MBD3L2B: variants seen among roughly 807,000 people sequenced by gnomAD.
MBD3L2B encodes methyl-CpG binding domain protein 3 like 2B, also known as methyl-CpG-binding domain protein 3-like 2B.
For synonymous variants in MBD3L2B, 50 were observed against 31.6 expected (o/e 1.58, Z -1.95); for missense variants, 127 against 78.7 (o/e 1.61, Z -2.32).
chr19:7,019,329 C>T lies in MBD3L2B; in HGVS notation c.447G>A (p.Val149=), dbSNP rs12976632. 0.054 allele frequency: 36,893 copies of T among 686,560 alleles called. 1,230 individuals carry two copies. Among genetic ancestry groups the T allele is most frequent in the Middle Eastern group, 0.072 (197 of 2,722 alleles). 42.5% of individuals were successfully genotyped at this position (686,560 alleles called of 1,614,324 possible). Residue 149 remains valine (V), a synonymous_variant, in exon 2 of 2, where the codon GTG becomes GTA. Transcript: ENST00000636986. ...LEPTPGRFPA[V]AGGPTPGMGC... ...CCATTCCTGGGGTTGGCCCCCCTGCCACAGCTGGAAACCGCCCAGGGGTGG... is the reference window on the plus strand; with the variant it reads ...CCATTCCTGGGGTTGGCCCCCCTGCTACAGCTGGAAACCGCCCAGGGGTGG...
chr19:7,019,073 A>G lies in MBD3L2B; in HGVS notation c.*88T>C. Reference sequence around the variant, plus strand: ...ATTAAAAGATAGGGATTCAAAACCCAGGACTGTCCCCACTGACTCACCCCC... The same window carrying G: ...ATTAAAAGATAGGGATTCAAAACCCGGGACTGTCCCCACTGACTCACCCCC... On this transcript the variant is annotated 3_prime_UTR_variant, in exon 2 of 2. Coordinates refer to ENST00000636986, the MANE Select transcript of MBD3L2B (RefSeq NM_001364674.2). 1.4e-6 allele frequency: 1 copy of G among 714,948 alleles called. No homozygotes were observed. The highest frequency in any genetic ancestry group is 2.6e-6 in the Non-Finnish European group (1 of 384,078). 44.3% of individuals were successfully genotyped at this position (714,948 alleles called of 1,614,324 possible). A position where few individuals can be genotyped will look rare whatever the true frequency, so the allele number is the denominator to read the frequency against.
chr19:7,019,334 C>T lies in MBD3L2B; in HGVS notation c.442G>A (p.Ala148Thr), dbSNP rs1976765616. 1 of 685,020 alleles carries T rather than the reference C, an allele frequency of 1.5e-6. No homozygotes were observed. Among genetic ancestry groups the T allele is most frequent in the Non-Finnish European group, 2.7e-6 (1 of 375,792 alleles). The allele number at this position is 685,020 out of a possible 1,614,324, so 42.4% of individuals were successfully genotyped here. A position where few individuals can be genotyped will look rare whatever the true frequency, so the allele number is the denominator to read the frequency against. ...CCTGGGGTTGGCCCCCCTGCCACAG[C>T]TGGAAACCGCCCAGGGGTGGGCTCA... The part of the protein sequence containing the change: ...PLEPTPGRFP[A>T]VAGGPTPGMG... The change falls in exon 2 of 2, where the codon GCT becomes ACT. Residue 148 changes from alanine (A) to threonine (T), a missense_variant. Coordinates refer to ENST00000636986, the MANE Select transcript of MBD3L2B (RefSeq NM_001364674.2).
chr19:7,019,092 C>A lies in MBD3L2B; in HGVS notation c.*69G>T, dbSNP rs1976760095. 7.0e-6 allele frequency: 5 copies of A among 716,604 alleles called. No individual in the cohort carries two copies. The highest frequency in any genetic ancestry group is 1.3e-5 in the Non-Finnish European group (5 of 384,408). 44.4% of individuals were successfully genotyped at this position (716,604 alleles called of 1,614,324 possible). On this transcript the variant is annotated 3_prime_UTR_variant, in exon 2 of 2. Coordinates refer to ENST00000636986, the MANE Select transcript of MBD3L2B (RefSeq NM_001364674.2). The stretch of plus-strand genomic sequence containing the variant: ...AAACCCAGGACTGTCCCCACTGACT[C>A]ACCCCCCAACTGCGGGGCCACACCC...
chr19:7,019,089 A>T lies in MBD3L2B; in HGVS notation c.*72T>A, dbSNP rs1976760013. The T allele has an allele frequency of 1.4e-6, 1 of 716,148 alleles. No homozygotes were observed. The highest frequency in any genetic ancestry group is 2.6e-6 in the Non-Finnish European group (1 of 384,360). The allele number at this position is 716,148 out of a possible 1,614,324, so 44.4% of individuals were successfully genotyped here. A position where few individuals can be genotyped will look rare whatever the true frequency, so the allele number is the denominator to read the frequency against. The stretch of plus-strand genomic sequence containing the variant: ...TCAAAACCCAGGACTGTCCCCACTG[A>T]CTCACCCCCCAACTGCGGGGCCACA... On this transcript the variant is annotated 3_prime_UTR_variant, in exon 2 of 2. Transcript: ENST00000636986.
Position 7,019,056 on chromosome 19 carries a change from A to C in MBD3L2B, c.*105T>G. On this transcript the variant is annotated 3_prime_UTR_variant, in exon 2 of 2. Coordinates refer to ENST00000636986, the MANE Select transcript of MBD3L2B (RefSeq NM_001364674.2). Reference sequence around the variant, plus strand: ...CAGGAAAGAGGACGGGCATTAAAAGATAGGGATTCAAAACCCAGGACTGTC... The same window carrying C: ...CAGGAAAGAGGACGGGCATTAAAAGCTAGGGATTCAAAACCCAGGACTGTC... 1 of 707,242 alleles carries C rather than the reference A, an allele frequency of 1.4e-6. No individual in the cohort carries two copies. The highest frequency in any genetic ancestry group is 2.6e-6 in the Non-Finnish European group (1 of 380,902). 43.8% of individuals were successfully genotyped at this position (707,242 alleles called of 1,614,324 possible). A position where few individuals can be genotyped will look rare whatever the true frequency, so the allele number is the denominator to read the frequency against.
Position 7,019,131 on chromosome 19 carries a change from C to A in MBD3L2B, c.*30G>T, listed in dbSNP as rs1469422566. 1 of 718,514 alleles carries A rather than the reference C, an allele frequency of 1.4e-6. No homozygotes were observed. Among genetic ancestry groups the A allele is most frequent in the Non-Finnish European group, 2.6e-6 (1 of 385,142 alleles). The allele number at this position is 718,514 out of a possible 1,614,324, so 44.5% of individuals were successfully genotyped here. Reference sequence around the variant, plus strand: ...GGGGCCACACCCCACAGCTTCTCAGCACCCCCTCCTCCTGCACTTCATCCA... The same window carrying A: ...GGGGCCACACCCCACAGCTTCTCAGAACCCCCTCCTCCTGCACTTCATCCA... On this transcript the variant is annotated 3_prime_UTR_variant, in exon 2 of 2. Transcript: ENST00000636986.
At chr19:7,020,323 T>C (rs1976774376) in intron 1 of MBD3L2B, among the ~76,000 whole-genome samples, 1 of 75,556 alleles carries the variant, frequency 1.3e-5, no homozygotes, top group African/African-American at 3.4e-5. Context: ...CCACCTTAAA[T>C]ACTCACTGCC....
chr19:7,019,829 GC>G, intron 1 of MBD3L2B, 99 bp from the exon 2 acceptor site: 2 of 83,174 alleles, frequency 2.4e-5, no homozygotes, highest in Non-Finnish European at 3.9e-5. Context: ...CTTCCCACCA[GC>G]CTCTCTTTCT....
Position 7,019,389 on chromosome 19 carries a change from T to C in MBD3L2B, c.387A>G (p.Arg129=), listed in dbSNP as rs1651756. 513 of 645,654 alleles carry C rather than the reference T, an allele frequency of 7.9e-4. 2 individuals carry two copies. The highest frequency in any genetic ancestry group is 2.3e-3 in the African/African-American group (110 of 48,344). 40.0% of individuals were successfully genotyped at this position (645,654 alleles called of 1,614,324 possible). A position where few individuals can be genotyped will look rare whatever the true frequency, so the allele number is the denominator to read the frequency against. Residue 129 remains arginine, a synonymous_variant, in exon 2 of 2, where the codon AGA becomes AGG. Transcript: ENST00000636986. Reference sequence around the variant, plus strand: ...GGCTGCGCACACGCTCAGCACCAGCTCTGTCCAGAGATTCACCGGCCGTCC... The same window carrying C: ...GGCTGCGCACACGCTCAGCACCAGCCCTGTCCAGAGATTCACCGGCCGTCC... ...APGTAGESLD[R]AGAERVRSPL...
rs994359352 is a variant in MBD3L2B, at chr19:7,019,072, C to A, written c.*89G>T. ...CATTAAAAGATAGGGATTCAAAACC[C>A]AGGACTGTCCCCACTGACTCACCCC... On this transcript the variant is annotated 3_prime_UTR_variant, in exon 2 of 2. Transcript: ENST00000636986. 2.8e-6 allele frequency: 2 copies of A among 714,414 alleles called. No homozygotes were observed. Among genetic ancestry groups the A allele is most frequent in the Non-Finnish European group, 5.2e-6 (2 of 384,044 alleles). 44.3% of individuals were successfully genotyped at this position (714,414 alleles called of 1,614,324 possible).
Position 7,019,351 on chromosome 19 carries a change from G to T in MBD3L2B, c.425C>A (p.Thr142Asn), listed in dbSNP as rs1380491820. 8.9e-6 allele frequency: 6 copies of T among 677,756 alleles called. No homozygotes were observed. Among genetic ancestry groups the T allele is most frequent in the African/African-American group, 1.9e-5 (1 of 52,172 alleles). The allele number at this position is 677,756 out of a possible 1,614,324, so 42.0% of individuals were successfully genotyped here. A position where few individuals can be genotyped will look rare whatever the true frequency, so the allele number is the denominator to read the frequency against. ...TGCCACAGCTGGAAACCGCCCAGGG[G>T]TGGGCTCAAGCGGGCTGCGCACACG... ...AERVRSPLEP[T>N]PGRFPAVAGG... The change falls in exon 2 of 2, where the codon ACC becomes AAC. Residue 142 changes from threonine to asparagine, a missense_variant. Coordinates refer to ENST00000636986, the MANE Select transcript of MBD3L2B (RefSeq NM_001364674.2).
At position 7,019,034 on chromosome 19, in the gene MBD3L2B, G is replaced by T. The variant is rs150853664; in HGVS notation, c.*127C>A. The stretch of plus-strand genomic sequence containing the variant: ...TACAAAGTGTGACAATTCATAGCAG[G>T]AAAGAGGACGGGCATTAAAAGATAG... On this transcript the variant is annotated 3_prime_UTR_variant, in exon 2 of 2. Coordinates refer to ENST00000636986, the MANE Select transcript of MBD3L2B (RefSeq NM_001364674.2). 2 of 691,960 alleles carry T rather than the reference G, an allele frequency of 2.9e-6. No homozygotes were observed. The highest frequency in any genetic ancestry group is 2.7e-6 in the Non-Finnish European group (1 of 376,016). 42.9% of individuals were successfully genotyped at this position (691,960 alleles called of 1,614,324 possible).
At position 7,019,101 on chromosome 19, in the gene MBD3L2B, A is replaced by C; in HGVS notation, c.*60T>G. 3 of 717,750 alleles carry C rather than the reference A, an allele frequency of 4.2e-6. No individual in the cohort carries two copies. 44.5% of individuals were successfully genotyped at this position (717,750 alleles called of 1,614,324 possible). On this transcript the variant is annotated 3_prime_UTR_variant, in exon 2 of 2. Coordinates refer to ENST00000636986, the MANE Select transcript of MBD3L2B (RefSeq NM_001364674.2). ...ACTGTCCCCACTGACTCACCCCCCA[A>C]CTGCGGGGCCACACCCCACAGCTTC...
chr19:7,019,429 C>G lies in MBD3L2B; in HGVS notation c.347G>C (p.Ser116Thr), dbSNP rs566735497. The G allele has an allele frequency of 3.4e-5, 20 of 581,858 alleles. No individual in the cohort carries two copies. The highest frequency in any genetic ancestry group is 3.1e-4 in the South Asian group (17 of 54,436). 36.0% of individuals were successfully genotyped at this position (581,858 alleles called of 1,614,324 possible). A position where few individuals can be genotyped will look rare whatever the true frequency, so the allele number is the denominator to read the frequency against. The change falls in exon 2 of 2, where the codon AGT becomes ACT. Residue 116 changes from serine to threonine, a missense_variant. Transcript: ENST00000636986. ...ACCGGCCGTCCCCGGTGCAAGGATA[C>G]TTAAGACGCTCTCCAAATGCAGTGG... ...SSPLHLESVLSILAPGTAGES... is the reference protein window; with the variant it reads ...SSPLHLESVLTILAPGTAGES...
In MBD3L2B at chr19:7,019,140, C is replaced by T. The variant is rs1311928480; in HGVS notation, c.*21G>A. Reference sequence around the variant, plus strand: ...CCCCACAGCTTCTCAGCACCCCCTCCTCCTGCACTTCATCCACCTGTCACA... The same window carrying T: ...CCCCACAGCTTCTCAGCACCCCCTCTTCCTGCACTTCATCCACCTGTCACA... On this transcript the variant is annotated 3_prime_UTR_variant, in exon 2 of 2. Coordinates refer to ENST00000636986, the MANE Select transcript of MBD3L2B (RefSeq NM_001364674.2). 2 of 718,676 alleles carry T rather than the reference C, an allele frequency of 2.8e-6. No homozygotes were observed. Among genetic ancestry groups the T allele is most frequent in the Admixed American group, 2.0e-5 (1 of 50,034 alleles). The allele number at this position is 718,676 out of a possible 1,614,324, so 44.5% of individuals were successfully genotyped here.
At position 7,019,173 on chromosome 19, in the gene MBD3L2B, C is replaced by T. The variant is rs1379100785; in HGVS notation, c.603G>A (p.Arg201=). 1.4e-6 allele frequency: 1 copy of T among 719,118 alleles called. No homozygotes were observed. Among genetic ancestry groups the T allele is most frequent in the South Asian group, 1.5e-5 (1 of 67,638 alleles). The allele number at this position is 719,118 out of a possible 1,614,324, so 44.5% of individuals were successfully genotyped here. The change falls in exon 2 of 2, where the codon CGG becomes CGA. Residue 201 remains arginine, a synonymous_variant. Coordinates refer to ENST00000636986, the MANE Select transcript of MBD3L2B (RefSeq NM_001364674.2). ...CTTCATCCACCTGTCACATTTCTGC[C>T]CGCCTGGCCAGCCTGTCTGCCTGCA... is the stretch of plus-strand genomic sequence containing the variant. ...KALQADRLAR[R]AEM
Position 7,018,990 on chromosome 19 carries a change from T to A in MBD3L2B, c.*171A>T, listed in dbSNP as rs533297710. On this transcript the variant is annotated 3_prime_UTR_variant, in exon 2 of 2. Transcript: ENST00000636986. ...ACTGTTGCCTTTCAAATGCTTTTAA[T>A]AAAGAACTGGTGGGGAAGTACAAAG... 84 of 657,118 alleles carry A rather than the reference T, an allele frequency of 1.3e-4. No homozygotes were observed. The African/African-American group carries it at 1.4e-3, about 11-fold the overall frequency. The allele number at this position is 657,118 out of a possible 1,614,324, so 40.7% of individuals were successfully genotyped here.
In MBD3L2B at chr19:7,019,385, C is replaced by G. The variant is rs1976766945; in HGVS notation, c.391G>C (p.Gly131Arg). The G allele has an allele frequency of 3.1e-6, 2 of 647,110 alleles. No homozygotes were observed. Among genetic ancestry groups the G allele is most frequent in the South Asian group, 1.6e-5 (1 of 61,484 alleles). 40.1% of individuals were successfully genotyped at this position (647,110 alleles called of 1,614,324 possible). A position where few individuals can be genotyped will look rare whatever the true frequency, so the allele number is the denominator to read the frequency against. Residue 131 changes from glycine (G) to arginine (R), a missense_variant, in exon 2 of 2, where the codon GGT (glycine) becomes CGT (arginine). Transcript: ENST00000636986. ...AGCGGGCTGCGCACACGCTCAGCACCAGCTCTGTCCAGAGATTCACCGGCC... is the reference window on the plus strand; with the variant it reads ...AGCGGGCTGCGCACACGCTCAGCACGAGCTCTGTCCAGAGATTCACCGGCC... ...GTAGESLDRA[G>R]AERVRSPLEP... is the part of the protein sequence containing the mutation.
chr19:7,019,075 G>C lies in MBD3L2B; in HGVS notation c.*86C>G. On this transcript the variant is annotated 3_prime_UTR_variant, in exon 2 of 2. Transcript: ENST00000636986. ...TAAAAGATAGGGATTCAAAACCCAG[G>C]ACTGTCCCCACTGACTCACCCCCCA... is the stretch of plus-strand genomic sequence containing the variant. 1.4e-6 allele frequency: 1 copy of C among 715,494 alleles called. No homozygotes were observed. Among genetic ancestry groups the C allele is most frequent in the Admixed American group, 2.0e-5 (1 of 49,958 alleles). 44.3% of individuals were successfully genotyped at this position (715,494 alleles called of 1,614,324 possible). A position where few individuals can be genotyped will look rare whatever the true frequency, so the allele number is the denominator to read the frequency against.
Sources: allele counts gnomAD v4.1 joint callset (sites outside exome capture counted in the v4.1 genomes callset), GRCh38; gene constraint gnomAD v4.1.1; transcripts MANE v1.5; gene names NCBI Gene and HGNC (gene_info 2026-07-23, HGNC 2026-07-21).